The following KDM3B variants were observed in gnomAD, a reference collection of about 807,000 sequenced individuals.
The protein encoded by KDM3B is lysine-specific demethylase 3B.
Under a neutral mutation model 170.0 loss-of-function variants are expected in KDM3B, and 10 were observed. The ratio of observed to expected loss-of-function variants is 0.06; its 90% CI spans 0.04 to 0.10. The LOEUF (loss-of-function observed/expected upper bound fraction) is 0.10. Among genes scored for constraint, KDM3B ranks in the 10% least tolerant of loss-of-function variants. The pLI is 1.00. For missense variants in KDM3B, 1,394 were observed against 2,195.2 expected (o/e 0.64, Z 7.29); for synonymous variants, 831 against 834.8 (o/e 1.00, Z 0.08).
chr5:138,386,901 T>C (rs1189466008), intron 7 of KDM3B, among the ~76,000 whole-genome samples: 1 of 152,218 alleles, frequency 6.6e-6, no homozygotes, highest in East Asian at 1.9e-4. Flanking sequence ...GGGAATGTTT[T>C]AAATTCTATT....
chr5:138,418,870 A>G, intron 13 of KDM3B, 83 bp from the exon 14 acceptor site: 1 of 1,279,748 alleles, frequency 7.8e-7, no homozygotes, highest in Non-Finnish European at 1.1e-6. Context: ...TCCCAGACCT[A>G]TTTAGTATGT....
chr5:138,362,843 C>T (rs1761648778), intron 1 of KDM3B, among the ~76,000 whole-genome samples: 1 of 149,652 alleles, frequency 6.7e-6, no homozygotes, highest in African/African-American at 2.4e-5. Flanking sequence ...CACCCATTAA[C>T]TCATTTACAT....
intron 1 of KDM3B, among the ~76,000 whole-genome samples, chr5:138,356,349 T>A (rs986111402): frequency 6.6e-6 from 1 of 152,328 alleles, no homozygotes; most frequent in Admixed American, 6.5e-5. Context: ...CCACCAACAG[T>A]ACTCAGGGTG....
chr5:138,435,938 C>CCTGTGGCGG lies in KDM3B; in HGVS notation c.*245_*246insGGCTGTGGC. On this transcript the variant is annotated 3_prime_UTR_variant, in exon 24 of 24. Transcript: ENST00000314358. ...CAAGCCAAGAGTGCCACATCCCTAT[C>CCTGTGGCGG]CTGTGGCCTTTTGGAAATCCAAATT... 1 of 455,858 alleles carries CCTGTGGCGG rather than the reference C, an allele frequency of 2.2e-6. No individual in the cohort carries two copies. The highest frequency in any genetic ancestry group is 3.9e-6 in the Non-Finnish European group (1 of 256,064). The allele number at this position is 455,858 out of a possible 1,614,324, so 28.2% of individuals were successfully genotyped here.
At chr5:138,403,295 G>A (rs1455588366) in intron 11 of KDM3B, among the ~76,000 whole-genome samples, 2 of 152,144 alleles carry the variant, frequency 1.3e-5, no homozygotes, top group African/African-American at 4.8e-5. Flanking sequence ...TATCGAGTGT[G>A]CAAAAATACC....
chr5:138,432,655 C>T (rs1052785280), intron 23 of KDM3B, among the ~76,000 whole-genome samples: 2 of 151,942 alleles, frequency 1.3e-5, no homozygotes, highest in African/African-American at 2.4e-5. Flanking sequence ...GGCGACAGAG[C>T]GAGACACCGT....
chr5:138,395,778 G>A (rs1182001612), intron 9 of KDM3B, among the ~76,000 whole-genome samples: 6 of 151,356 alleles, frequency 4.0e-5, no homozygotes, highest in African/African-American at 9.7e-5. Context: ...CACCATGCTC[G>A]GCTAATTTTT....
intron 5 of KDM3B, 113 bp downstream of exon 5, chr5:138,379,821 A>G: frequency 2.0e-6 from 2 of 984,900 alleles, no homozygotes; most frequent in Admixed American, 2.8e-5. Context: ...CCCTGGCTCT[A>G]TTACTTAATA....
intron 17 of KDM3B, 111 bp from the exon 18 acceptor site, chr5:138,426,862 CAA>C (rs60899302): frequency 0.1 from 55,726 of 531,004 alleles, 43 homozygotes; most frequent in East Asian, 0.18. Flanking sequence ...GACTCTGTCT[CAA>C]AAAAAAAAAA....
intron 1 of KDM3B, among the ~76,000 whole-genome samples, chr5:138,366,269 A>G (rs1761742725): frequency 1.3e-5 from 2 of 152,190 alleles, no homozygotes; most frequent in Middle Eastern, 3.4e-3. Context: ...TATAATTTTC[A>G]TTTTGATTCC....
At chr5:138,421,919 C>A (rs1763282762) in intron 15 of KDM3B, among the ~76,000 whole-genome samples, 1 of 152,196 alleles carries the variant, frequency 6.6e-6, no homozygotes, top group Non-Finnish European at 1.5e-5. Flanking sequence ...ACTCTCTGTT[C>A]TGTTCACTCC....
intron 15 of KDM3B, among the ~76,000 whole-genome samples, chr5:138,421,894 C>G (rs1487421823): frequency 6.6e-6 from 1 of 152,174 alleles, no homozygotes; most frequent in African/African-American, 2.4e-5. Context: ...TCTCACCTCC[C>G]TGTCTTCAAC....
chr5:138,419,351 C>A, intron 14 of KDM3B, 119 bp downstream of exon 14: 1 of 1,245,958 alleles, frequency 8.0e-7, no homozygotes, highest in Non-Finnish European at 1.1e-6. Context: ...CTTTCTCTGG[C>A]TAATCACATG....
intron 15 of KDM3B, among the ~76,000 whole-genome samples, chr5:138,422,881 G>A (rs751904677): frequency 3.9e-5 from 6 of 152,122 alleles, no homozygotes; most frequent in Non-Finnish European, 5.9e-5. Flanking sequence ...TGGCTGAAAC[G>A]TGATGAACTG....
At chr5:138,358,776 A>T (rs1357810042) in intron 1 of KDM3B, among the ~76,000 whole-genome samples, 1 of 139,690 alleles carries the variant, frequency 7.2e-6, no homozygotes, top group East Asian at 2.2e-4. Context: ...TTATTTATTT[A>T]TTTATTTTTA....
At chr5:138,390,882 A>G in intron 7 of KDM3B, 131 bp from the exon 8 acceptor site, 1 of 805,806 alleles carries the variant, frequency 1.2e-6, no homozygotes, top group South Asian at 2.0e-5. Flanking sequence ...GAGCAGATCC[A>G]TGGAATTGTA....
chr5:138,390,353 C>T (rs1762396031), intron 7 of KDM3B, among the ~76,000 whole-genome samples: 1 of 152,108 alleles, frequency 6.6e-6, no homozygotes, highest in African/African-American at 2.4e-5. Flanking sequence ...AAATAGCTTG[C>T]TTTCTTTAAT....
intron 17 of KDM3B, 91 bp from the exon 18 acceptor site, chr5:138,426,881 GAAA>G (rs59368427): frequency 7.0e-6 from 5 of 712,558 alleles, no homozygotes; most frequent in Non-Finnish European, 1.2e-5. Context: ...AAAAAAAAAA[GAAA>G]AAAAAGAGAT....
chr5:138,396,926 C>G (rs1260740073), intron 9 of KDM3B, among the ~76,000 whole-genome samples: 3 of 152,136 alleles, frequency 2.0e-5, no homozygotes, highest in Admixed American at 1.3e-4. Context: ...TGGCTTATGC[C>G]TATAATCCCT....
Sources: gnomAD v4.1 joint callset for allele counts (sites outside exome capture counted in the v4.1 genomes callset) on GRCh38, gnomAD v4.1.1 for gene constraint, MANE v1.5 for transcripts, NCBI Gene and HGNC (gene_info 2026-07-23, HGNC 2026-07-21) for gene names.